The following CNTNAP3 variants were observed in gnomAD, a reference collection of about 807,000 sequenced individuals.
CNTNAP3 encodes contactin-associated protein-like 3.
A neutral mutation model predicts 92.1 loss-of-function variants in CNTNAP3; 36 were observed. That is an observed-to-expected ratio of 0.39 (90% confidence interval 0.30 to 0.52). The LOEUF is 0.52. Ranked by LOEUF, CNTNAP3 falls within the 20% of genes least tolerant of loss-of-function variation. The probability of loss-of-function intolerance (pLI) is 0.76; values close to 1 mark genes in which losing one functional copy is unlikely to be tolerated. For missense variants in CNTNAP3, 534 were observed against 1,069.6 expected (o/e 0.50, Z 6.98); for synonymous variants, 232 against 422.3 (o/e 0.55, Z 5.53).
intron 15 of CNTNAP3, 145 bp downstream of exon 15, chr9:39,109,015 T>C (rs1826675474): frequency 7.6e-7 from 1 of 1,307,622 alleles, no homozygotes; most frequent in Non-Finnish European, 1.0e-6. Context: ...GACTGTGCCT[T>C]TATGGTATGT....
At position 39,240,650 on chromosome 9, in the gene CNTNAP3, T is replaced by C. The variant is rs1221304372; in HGVS notation, c.197-1464A>G. 2.6e-3 allele frequency among the ~76,000 whole-genome samples: 10 copies of C among 3,870 alleles called. 5 individuals are homozygous for C. The highest frequency in any genetic ancestry group is 2.7e-3 in the African/African-American group (10 of 3,646). The allele number at this position is 3,870 out of a possible 152,430, so 2.5% of individuals were successfully genotyped here. A position where few individuals can be genotyped will look rare whatever the true frequency, so the allele number is the denominator to read the frequency against. On this transcript the variant is annotated intron_variant, in intron 2 of 23. Transcript: ENST00000297668. ...TATATATAGTATGTACACAGACATA[T>C]ATATAATTTTTGTTTGTTTTGCTTT...
At chr9:39,138,270 G>A (rs1390165358) in intron 12 of CNTNAP3, among the ~76,000 whole-genome samples, 1 of 152,080 alleles carries the variant, frequency 6.6e-6, no homozygotes, top group Non-Finnish European at 1.5e-5. Flanking sequence ...TAACATGTGT[G>A]GGAAGGGGAA....
chr9:39,075,075 T>G (rs1223419210), intron 23 of CNTNAP3, among the ~76,000 whole-genome samples: 13 of 152,290 alleles, frequency 8.5e-5, no homozygotes, highest in Admixed American at 2.0e-4. Context: ...GCCGATAATA[T>G]ACTTCTCAAA....
In CNTNAP3 at chr9:39,069,651, T is replaced by A. The variant is rs1339720842; in HGVS notation, c.*4239A>T. On this transcript the variant is annotated 3_prime_UTR_variant, in exon 24 of 24. Transcript: ENST00000297668. ...GTGCTTCAGTACATTTTCCCGACGA[T>A]ATGATTAATCCATAATAAATTCTGC... Among the ~76,000 whole-genome samples the A allele has an allele frequency of 6.6e-6, 1 of 152,308 alleles. No individual in the cohort carries two copies. The highest frequency in any genetic ancestry group is 1.9e-4 in the East Asian group (1 of 5,206).
At chr9:39,105,843 G>A (rs1330498688) in intron 15 of CNTNAP3, among the ~76,000 whole-genome samples, 2 of 146,844 alleles carry the variant, frequency 1.4e-5, no homozygotes, top group African/African-American at 5.0e-5. Context: ...GGAAATATGT[G>A]TATTTGTATC....
chr9:39,137,546 TCTGTCACC>T (rs1821470818), intron 12 of CNTNAP3, among the ~76,000 whole-genome samples: 1 of 152,150 alleles, frequency 6.6e-6, no homozygotes, highest in African/African-American at 2.4e-5. Context: ...AAAGTCTTGC[TCTGTCACC>T]CAGGCTGGAG....
chr9:39,127,758 G>T (rs1202407792), intron 13 of CNTNAP3, among the ~76,000 whole-genome samples: 1 of 152,042 alleles, frequency 6.6e-6, no homozygotes, highest in African/African-American at 2.4e-5. Flanking sequence ...TAAGAAAATT[G>T]AATTCATAAT....
intron 21 of CNTNAP3, chr9:39,085,281 C>G (rs1359411638): frequency 1.1e-4 from 18 of 160,472 alleles, no homozygotes; most frequent in African/African-American, 4.2e-4. Flanking sequence ...ACAGGCAAAG[C>G]AGGGCTTGAG....
intron 23 of CNTNAP3, among the ~76,000 whole-genome samples, chr9:39,075,490 CT>C (rs1201064916): frequency 1.3e-5 from 2 of 152,106 alleles, no homozygotes; most frequent in Admixed American, 6.6e-5. Context: ...CCAAATATGC[CT>C]TTTTGACAAA....
chr9:39,130,385 A>G (rs1370795431), intron 13 of CNTNAP3, among the ~76,000 whole-genome samples: 2 of 152,072 alleles, frequency 1.3e-5, no homozygotes, highest in African/African-American at 4.8e-5. Context: ...AAACTCAACC[A>G]CAAAGAGTAC....
rs542780877 is a variant in CNTNAP3, at chr9:39,168,039, T to TG, written c.1334-1964dup. Among the ~76,000 whole-genome samples the TG allele has an allele frequency of 2.1e-5, 3 of 144,272 alleles. No individual in the cohort carries two copies. The South Asian group carries it at 6.6e-4, about 32-fold the overall frequency. 94.6% of individuals were successfully genotyped at this position (144,272 alleles called of 152,430 possible). On this transcript the variant is annotated intron_variant, in intron 8 of 23. Coordinates refer to ENST00000297668, the MANE Select transcript of CNTNAP3 (RefSeq NM_033655.5). ...TTGTTTTTGTTTTTTTTTTTTGAGA[T>TG]GGAGTCTCGCTCTGTCACCCAGGCT...
rs1403205927 is a variant in CNTNAP3 at position 39,170,435 on chromosome 9, A to T, written c.1333+934T>A. ...CAGATTACGCTTTTTTTTTTTTTTT[A>T]AAGCCCCCATTTAGTTCCGATGCCA... On this transcript the variant is annotated intron_variant, in intron 8 of 23. Transcript: ENST00000297668. Among the ~76,000 whole-genome samples the T allele has an allele frequency of 1.4e-4, 16 of 114,562 alleles. 1 individual carries two copies. Among genetic ancestry groups the T allele is most frequent in the South Asian group, 2.8e-4 (1 of 3,566 alleles). 75.2% of individuals were successfully genotyped at this position (114,562 alleles called of 152,430 possible).
intron 23 of CNTNAP3, among the ~76,000 whole-genome samples, chr9:39,077,591 C>CAAAA (rs1166148662): frequency 8.2e-6 from 1 of 121,980 alleles, no homozygotes; most frequent in Non-Finnish European, 1.7e-5. Context: ...AACAAACAAA[C>CAAAA]AAAAAACTTC....
At chr9:39,146,322 A>G (rs1821698840) in intron 10 of CNTNAP3, among the ~76,000 whole-genome samples, 1 of 152,084 alleles carries the variant, frequency 6.6e-6, no homozygotes, top group Admixed American at 6.5e-5. Flanking sequence ...CTCCATTGGA[A>G]GCTCTGCCAT....
intron 12 of CNTNAP3, chr9:39,140,004 CA>C (rs1821534812): frequency 6.6e-6 from 1 of 152,522 alleles, no homozygotes; most frequent in African/African-American, 2.4e-5. Flanking sequence ...CTTGGCCTCC[CA>C]AAGTGCTGAG....
At chr9:39,095,460 T>C (rs567646295) in intron 18 of CNTNAP3, among the ~76,000 whole-genome samples, 67 of 150,814 alleles carry the variant, frequency 4.4e-4, no homozygotes, top group African/African-American at 1.5e-3. Flanking sequence ...TTTTCATATA[T>C]GGCCTTTATC....
At position 39,070,863 on chromosome 9, in the gene CNTNAP3, T is replaced by G. The variant is rs1825622373; in HGVS notation, c.*3027A>C. ...CCATCAAATATTCTTTCAGAGAAGATGTGAACAAAGATCCAGAATTATTGG... is the reference window on the plus strand; with the variant it reads ...CCATCAAATATTCTTTCAGAGAAGAGGTGAACAAAGATCCAGAATTATTGG... On this transcript the variant is annotated 3_prime_UTR_variant, in exon 24 of 24. Coordinates refer to ENST00000297668, the MANE Select transcript of CNTNAP3 (RefSeq NM_033655.5). Among the ~76,000 whole-genome samples, 1 of 152,248 alleles carries G rather than the reference T, an allele frequency of 6.6e-6. No individual in the cohort carries two copies. The highest frequency in any genetic ancestry group is 1.5e-5 in the Non-Finnish European group (1 of 68,012).
rs1376354464 is a variant in CNTNAP3, at chr9:39,085,717, A to C, written c.3442+19T>G. 3 of 1,498,456 alleles carry C rather than the reference A, an allele frequency of 2.0e-6. No individual in the cohort carries two copies. In the South Asian group the frequency reaches 3.6e-5, roughly 18 times the overall value. 92.8% of individuals were successfully genotyped at this position (1,498,456 alleles called of 1,614,324 possible). Reference sequence around the variant, plus strand: ...GTGACATGACACTTATTTGGGAAAAAGCTCTTTCTCCTACTTACCTAAAAC... The same window carrying C: ...GTGACATGACACTTATTTGGGAAAACGCTCTTTCTCCTACTTACCTAAAAC... On this transcript the variant is annotated intron_variant, in intron 21 of 23. Coordinates refer to ENST00000297668, the MANE Select transcript of CNTNAP3 (RefSeq NM_033655.5).
chr9:39,152,186 C>A (rs185978406), intron 9 of CNTNAP3, among the ~76,000 whole-genome samples: 1 of 131,516 alleles, frequency 7.6e-6, no homozygotes, highest in East Asian at 2.2e-4. Flanking sequence ...TATTTCCTCC[C>A]TGAAAGTTCC....
Sources: gnomAD v4.1 joint callset for allele counts (sites outside exome capture counted in the v4.1 genomes callset) on GRCh38, gnomAD v4.1.1 for gene constraint, MANE v1.5 for transcripts, NCBI Gene and HGNC (gene_info 2026-07-23, HGNC 2026-07-21) for gene names.